TNS1: variants seen among roughly 807,000 people sequenced by gnomAD.
TNS1 encodes the protein tensin 1.
Under a neutral mutation model 168.6 loss-of-function variants are expected in TNS1, and 62 were observed. The observed-to-expected ratio is 0.37, with a 90% CI of 0.30 to 0.45. The LOEUF is 0.45. Among genes scored for constraint, TNS1 ranks in the 20% least tolerant of loss-of-function variants. TNS1 has a pLI of 1.00. For synonymous variants in TNS1, 934 were observed against 933.2 expected (o/e 1.00, Z -0.02); for missense variants, 2,240 against 2,339.4 (o/e 0.96, Z 0.88).
chr2:218,015,243 C>T (rs555890737), upstream of TNS1, among the ~76,000 whole-genome samples: 3 of 152,214 alleles, frequency 2.0e-5, no homozygotes, highest in East Asian at 5.8e-4. Flanking sequence ...AGGGGTCACA[C>T]AGCTAGAAAG....
At chr2:217,912,419 C>T (rs1413221453) in intron 4 of TNS1, among the ~76,000 whole-genome samples, 1 of 149,766 alleles carries the variant, frequency 6.7e-6, no homozygotes, top group African/African-American at 2.5e-5. Context: ...CGACTCTTGC[C>T]CCCTGGGAGG....
intron 3 of TNS1, among the ~76,000 whole-genome samples, chr2:217,972,752 G>A (rs914125281): frequency 4.6e-5 from 7 of 152,334 alleles, no homozygotes; most frequent in Middle Eastern, 3.4e-3. Flanking sequence ...GCTGGAACAG[G>A]CTGCTGTTGT....
At chr2:218,011,210 T>C (rs1574480562), upstream of TNS1, among the ~76,000 whole-genome samples, 1 of 151,934 alleles carries the variant, frequency 6.6e-6, no homozygotes, top group Non-Finnish European at 1.5e-5. Flanking sequence ...CTCAGGAATA[T>C]TGTGTGAGGT....
chr2:217,962,892 A>G (rs1957534197), intron 3 of TNS1, among the ~76,000 whole-genome samples: 1 of 152,180 alleles, frequency 6.6e-6, no homozygotes, highest in South Asian at 2.1e-4. Context: ...ACACTGGCCA[A>G]ATTCTACTAC....
chr2:217,842,099 C>G, intron 19 of TNS1: 1 of 703,038 alleles, frequency 1.4e-6, no homozygotes, highest in South Asian at 1.5e-5. Flanking sequence ...TATGCTGGTT[C>G]CCTCCTCCTG....
intron 16 of TNS1, among the ~76,000 whole-genome samples, chr2:217,882,953 G>A (rs113259692): frequency 0.01 from 1,545 of 152,128 alleles, 26 homozygotes; most frequent in African/African-American, 0.035. Flanking sequence ...AAGCCACCAC[G>A]CCCGGCTCAT....
rs560708162 is a variant in TNS1 at position 217,894,377 on chromosome 2, C to T, written c.594+629G>A. ...AACAGAATAAAAAGCAGCAACAGGTCCAGACGCGCTGGCCCATGCCTGTAA... is the reference window on the plus strand; with the variant it reads ...AACAGAATAAAAAGCAGCAACAGGTTCAGACGCGCTGGCCCATGCCTGTAA... On this transcript the variant is annotated intron_variant, in intron 9 of 32. Coordinates refer to ENST00000682258, the MANE Select transcript of TNS1 (RefSeq NM_001387777.1). Among the ~76,000 whole-genome samples, 6 of 152,334 alleles carry T rather than the reference C, an allele frequency of 3.9e-5. No homozygotes were observed. The East Asian group carries it at 9.6e-4, about 24-fold the overall frequency.
intron 3 of TNS1, among the ~76,000 whole-genome samples, chr2:217,964,366 G>A (rs886190262): frequency 3.3e-5 from 5 of 152,094 alleles, no homozygotes; most frequent in African/African-American, 1.2e-4. Flanking sequence ...CAGAGATAGT[G>A]AGTGTTGAAG....
At chr2:217,998,692 G>A (rs988448296) in intron 1 of TNS1, among the ~76,000 whole-genome samples, 14 of 152,198 alleles carry the variant, frequency 9.2e-5, no homozygotes, top group African/African-American at 3.4e-4. Context: ...TACAGACATG[G>A]TCTTACTATG....
chr2:217,879,815 G>A (rs1460609943), intron 18 of TNS1, among the ~76,000 whole-genome samples: 1 of 152,098 alleles, frequency 6.6e-6, no homozygotes. Context: ...AGGCCCCCAG[G>A]CCTACCTATC....
At chr2:217,890,855 C>A in intron 12 of TNS1, 107 bp downstream of exon 12, 2 of 1,263,946 alleles carry the variant, frequency 1.6e-6, no homozygotes, top group Admixed American at 3.7e-5. Context: ...GCCTGGTACA[C>A]CCCCACCTAG....
chr2:217,830,703 C>G (rs1944293047), intron 22 of TNS1, among the ~76,000 whole-genome samples: 1 of 152,260 alleles, frequency 6.6e-6, no homozygotes, highest in African/African-American at 2.4e-5. Context: ...TTCCTCAGAG[C>G]TTGGGCTGCT....
intron 9 of TNS1, 73 bp from the exon 10 acceptor site, chr2:217,893,634 C>A: frequency 2.0e-6 from 3 of 1,525,778 alleles, no homozygotes; most frequent in Non-Finnish European, 2.6e-6. Context: ...GAGCCACCTA[C>A]GCCACGTGCC....
At chr2:217,915,530 G>T (rs1336840815) in intron 4 of TNS1, among the ~76,000 whole-genome samples, 4 of 152,230 alleles carry the variant, frequency 2.6e-5, no homozygotes, top group Admixed American at 1.3e-4. Flanking sequence ...AGCCCAGGGG[G>T]TAGGTGCTCC....
chr2:218,016,049 G>A (rs1044702571), intron 1 of TNS1, among the ~76,000 whole-genome samples: 1 of 152,122 alleles, frequency 6.6e-6, no homozygotes, highest in Non-Finnish European at 1.5e-5. Flanking sequence ...AGGAGGGCCA[G>A]GGAAAGGGGG....
intron 18 of TNS1, among the ~76,000 whole-genome samples, chr2:217,870,013 A>G (rs530334311): frequency 2.8e-4 from 43 of 152,120 alleles, no homozygotes; most frequent in Non-Finnish European, 4.6e-4. Context: ...TTGTGTGAGG[A>G]AGCCAGTCAG....
Position 217,907,201 on chromosome 2 carries a change from A to G in TNS1, c.270+9T>C. 2.8e-6 allele frequency: 2 copies of G among 702,914 alleles called. No individual in the cohort carries two copies. The highest frequency in any genetic ancestry group is 2.3e-4 in the Middle Eastern group (1 of 4,366). 43.5% of individuals were successfully genotyped at this position (702,914 alleles called of 1,614,324 possible). A position where few individuals can be genotyped will look rare whatever the true frequency, so the allele number is the denominator to read the frequency against. On this transcript the variant is annotated intron_variant, in intron 5 of 32. Coordinates refer to ENST00000682258, the MANE Select transcript of TNS1 (RefSeq NM_001387777.1). ...TCCAGCTCCCCCACCACCACCTGCC[A>G]TCACTCACCTTGTCCACTACATTCT...
At chr2:217,945,763 G>T (rs143031921) in intron 3 of TNS1, among the ~76,000 whole-genome samples, 3 of 152,058 alleles carry the variant, frequency 2.0e-5, no homozygotes, top group African/African-American at 7.2e-5. Flanking sequence ...CCAACTCTAC[G>T]GCAAAGGTGA....
At chr2:217,851,466 CA>C (rs1947478986) in intron 18 of TNS1, among the ~76,000 whole-genome samples, 1 of 151,906 alleles carries the variant, frequency 6.6e-6, no homozygotes, top group African/African-American at 2.4e-5. Flanking sequence ...CACACACACA[CA>C]CACACACCCC....
Sources: gnomAD v4.1 joint callset for allele counts (sites outside exome capture counted in the v4.1 genomes callset) on GRCh38, gnomAD v4.1.1 for gene constraint, MANE v1.5 for transcripts, NCBI Gene and HGNC (gene_info 2026-07-23, HGNC 2026-07-21) for gene names.